The following PCOLCE2 variants were observed in gnomAD, a reference collection of about 807,000 sequenced individuals.
The protein encoded by PCOLCE2 is procollagen C-proteinase enhancer 2.
A neutral mutation model predicts 47.0 loss-of-function variants in PCOLCE2; 42 were observed. The ratio of observed to expected loss-of-function variants is 0.89; its 90% CI spans 0.70 to 1.16. The LOEUF (loss-of-function observed/expected upper bound fraction) is 1.16, where lower values mean the gene tolerates loss of function less well. PCOLCE2 is among the 50% of genes most tolerant of loss of function. The probability of loss-of-function intolerance (pLI) is 0.00; values close to 1 mark genes in which losing one functional copy is unlikely to be tolerated. For synonymous variants in PCOLCE2, 169 were observed against 191.7 expected, an observed-to-expected ratio of 0.88 and a Z score of 0.98; for missense variants, 500 against 526.1, an observed-to-expected ratio of 0.95 and a Z score of 0.49.
Position 142,825,234 on chromosome 3 carries a change from C to T in PCOLCE2, c.866-1619G>A, listed in dbSNP as rs1364436349. On this transcript the variant is annotated intron_variant, in intron 6 of 8. Transcript: ENST00000295992. ...TCCCGGGCCCATTGGGAACCGGCTG[C>T]TTCTCAGCCTCCGAAGGTCAGTCTG... is the stretch of plus-strand genomic sequence containing the variant. 3.9e-5 allele frequency among the ~76,000 whole-genome samples: 6 copies of T among 152,218 alleles called. No homozygotes were observed. The East Asian group carries it at 5.8e-4, about 15-fold the overall frequency.
chr3:142,861,413 TA>T (rs1178484618), intron 2 of PCOLCE2, among the ~76,000 whole-genome samples: 1 of 152,256 alleles, frequency 6.6e-6, no homozygotes, highest in Non-Finnish European at 1.5e-5. Flanking sequence ...CAGGATTCTC[TA>T]ATTTTCTTAT....
intron 2 of PCOLCE2, among the ~76,000 whole-genome samples, chr3:142,883,388 G>C (rs1293252308): frequency 6.6e-6 from 1 of 152,092 alleles, no homozygotes; most frequent in African/African-American, 2.4e-5. Flanking sequence ...AAATAGAGTT[G>C]CTTTCACAAG....
At chr3:142,839,677 G>A (rs1029087471) in intron 4 of PCOLCE2, among the ~76,000 whole-genome samples, 7 of 152,062 alleles carry the variant, frequency 4.6e-5, no homozygotes, top group African/African-American at 1.7e-4. Flanking sequence ...TATGTGAGGT[G>A]GATATGTTAA....
chr3:142,863,096 C>CAAAAAAAAAAAAAAAAAAAAAAAAAA (rs35383176), intron 2 of PCOLCE2, among the ~76,000 whole-genome samples: 3 of 85,992 alleles, frequency 3.5e-5, no homozygotes, highest in Non-Finnish European at 4.5e-5. Context: ...GTCTGGCAGG[C>CAAAAAAAAAAAAAAAAAAAAAAAAAA]AAAAAAAAAA....
chr3:142,826,768 C>T (rs1937083982), intron 6 of PCOLCE2, among the ~76,000 whole-genome samples: 1 of 152,162 alleles, frequency 6.6e-6, no homozygotes, highest in African/African-American at 2.4e-5. Flanking sequence ...CAAACGGAAA[C>T]ACTGTAGTCC....
chr3:142,836,802 A>C (rs564944659), intron 5 of PCOLCE2, among the ~76,000 whole-genome samples: 1 of 152,224 alleles, frequency 6.6e-6, no homozygotes, highest in East Asian at 1.9e-4. Context: ...ATAAACATGA[A>C]GAAAAAGAGG....
At chr3:142,865,572 T>G (rs2108205669) in intron 2 of PCOLCE2, among the ~76,000 whole-genome samples, 1 of 152,336 alleles carries the variant, frequency 6.6e-6, no homozygotes, top group South Asian at 2.1e-4. Flanking sequence ...GTTTCTCACT[T>G]TAATTTCTGG....
intron 7 of PCOLCE2, among the ~76,000 whole-genome samples, chr3:142,822,996 C>G (rs1578027451): frequency 1.3e-5 from 2 of 152,304 alleles, no homozygotes; most frequent in South Asian, 4.1e-4. Context: ...GGAAAAAGCT[C>G]TTAAAAATTC....
Position 142,820,976 on chromosome 3 carries a change from T to C in PCOLCE2, c.1019A>G (p.Asn340Ser), listed in dbSNP as rs149359479. The C allele has an allele frequency of 2.0e-5, 32 of 1,613,928 alleles. No individual in the cohort carries two copies. The highest frequency in any genetic ancestry group is 3.3e-5 in the Admixed American group (2 of 59,994). Residue 340 changes from asparagine (N) to serine (S), a missense_variant, in exon 8 of 9, where the codon AAC (asparagine) becomes AGC (serine). By Grantham distance (46) the Asn-to-Ser change is conservative. Coordinates refer to ENST00000295992, the MANE Select transcript of PCOLCE2 (RefSeq NM_013363.4). Reference sequence around the variant, plus strand: ...CGCCAAATTTCCCTCTTTGTAGATGTTGATGATCGAGACTGTGGCGTGCAA... The same window carrying C: ...CGCCAAATTTCCCTCTTTGTAGATGCTGATGATCGAGACTGTGGCGTGCAA... ...GSLHATVSII[N>S]IYKEGNLAIQ...
At chr3:142,834,600 C>A (rs978069453) in intron 5 of PCOLCE2, among the ~76,000 whole-genome samples, 1 of 152,066 alleles carries the variant, frequency 6.6e-6, no homozygotes, top group Admixed American at 6.5e-5. Context: ...TAACATAAGT[C>A]CACAAGTCAC....
intron 3 of PCOLCE2, among the ~76,000 whole-genome samples, chr3:142,844,653 C>T (rs1937304762): frequency 6.6e-6 from 1 of 152,144 alleles, no homozygotes; most frequent in Admixed American, 6.5e-5. Flanking sequence ...ATGAGAGATA[C>T]TGAGTAGTTT....
chr3:142,888,779 GGAGA>G (rs1933766648), intron 1 of PCOLCE2, 31 bp downstream of exon 1: 2 of 1,306,938 alleles, frequency 1.5e-6, no homozygotes, highest in South Asian at 1.5e-5. Flanking sequence ...GGAAGGGAAA[GGAGA>G]GAAAGGGAGC....
chr3:142,839,002 C>A (rs149612009), intron 4 of PCOLCE2, 96 bp from the exon 5 acceptor site: 2 of 931,300 alleles, frequency 2.1e-6, no homozygotes, highest in East Asian at 5.1e-5. Context: ...GAGGATACTA[C>A]GATTTTCCTT....
chr3:142,857,613 C>T (rs6440116), intron 2 of PCOLCE2, among the ~76,000 whole-genome samples: 92,659 of 152,064 alleles, frequency 0.61, 28,649 homozygotes, highest in Non-Finnish European at 0.66. Flanking sequence ...CCATGACAAA[C>T]TGTAAATCAT....
At chr3:142,847,276 C>T (rs959746210) in intron 3 of PCOLCE2, among the ~76,000 whole-genome samples, 5 of 152,148 alleles carry the variant, frequency 3.3e-5, no homozygotes, top group African/African-American at 9.7e-5. Flanking sequence ...AGATTTTATA[C>T]GAATATTTTG....
Position 142,827,204 on chromosome 3 carries a change from G to A in PCOLCE2, c.865+2488C>T, listed in dbSNP as rs983180329. 2.4e-6 allele frequency: 3 copies of A among 1,272,746 alleles called. No homozygotes were observed. The Admixed American group carries it at 5.2e-5, about 22-fold the overall frequency. The allele number at this position is 1,272,746 out of a possible 1,614,324, so 78.8% of individuals were successfully genotyped here. A position where few individuals can be genotyped will look rare whatever the true frequency, so the allele number is the denominator to read the frequency against. ...CAGGGTCATCTCTGAGATGGCGGAGGGGATGCCGATGTGCTGGTGGTTGCC... is the reference window on the plus strand; with the variant it reads ...CAGGGTCATCTCTGAGATGGCGGAGAGGATGCCGATGTGCTGGTGGTTGCC... On this transcript the variant is annotated intron_variant, in intron 6 of 8. Transcript: ENST00000295992.
chr3:142,830,150 A>AGCTAGGG (rs758173741), intron 5 of PCOLCE2, among the ~76,000 whole-genome samples: 1 of 152,212 alleles, frequency 6.6e-6, no homozygotes, highest in African/African-American at 2.4e-5. Flanking sequence ...AAGGCCCTAT[A>AGCTAGGG]GCTAGTATGT....
chr3:142,824,422 G>A (rs1578028137), intron 6 of PCOLCE2, among the ~76,000 whole-genome samples: 1 of 152,180 alleles, frequency 6.6e-6, no homozygotes, highest in African/African-American at 2.4e-5. Context: ...CTGAGGTAGA[G>A]AAACCCCGGG....
chr3:142,839,604 T>C (rs1264826638), intron 4 of PCOLCE2, among the ~76,000 whole-genome samples: 1 of 152,180 alleles, frequency 6.6e-6, no homozygotes, highest in Non-Finnish European at 1.5e-5. Flanking sequence ...TGAGCCACCA[T>C]GCCCAGCCGA....
Sources: gnomAD v4.1 joint callset for allele counts (sites outside exome capture counted in the v4.1 genomes callset) on GRCh38, gnomAD v4.1.1 for gene constraint, MANE v1.5 for transcripts, NCBI Gene and HGNC (gene_info 2026-07-23, HGNC 2026-07-21) for gene names.